Variants in PIK3C2G observed in about 807,000 individuals in gnomAD.
PIK3C2G encodes phosphatidylinositol 3-kinase C2 domain-containing subunit gamma.
Under a neutral mutation model 181.1 loss-of-function variants are expected in PIK3C2G, and 168 were observed. The observed-to-expected ratio is 0.93, with a 90% CI of 0.82 to 1.05. PIK3C2G has a LOEUF of 1.05. PIK3C2G is among the 50% of genes least tolerant of loss of function. The pLI is 0.00. For synonymous variants in PIK3C2G, 573 were observed against 592.2 expected (o/e 0.97, Z 0.47); for missense variants, 1,869 against 1,732.8 (o/e 1.08, Z -1.40).
intron 2 of PIK3C2G, among the ~76,000 whole-genome samples, chr12:18,285,699 TA>T (rs909440122): frequency 4.0e-5 from 6 of 149,626 alleles, no homozygotes; most frequent in African/African-American, 9.8e-5. Context: ...CCATGAATTA[TA>T]AAAAAAAGAA....
intron 13 of PIK3C2G, among the ~76,000 whole-genome samples, chr12:18,375,163 A>G (rs1021974206): frequency 6.6e-6 from 1 of 152,194 alleles, no homozygotes; most frequent in Non-Finnish European, 1.5e-5. Flanking sequence ...AGACATGAAA[A>G]TGAGAGAAAG....
chr12:18,546,340 G>A lies in PIK3C2G; in HGVS notation c.3498G>A (p.Leu1166=). The A allele has an allele frequency of 6.3e-7, 1 of 1,591,478 alleles. No homozygotes were observed. The highest frequency in any genetic ancestry group is 8.6e-7 in the Non-Finnish European group (1 of 1,165,266). Residue 1166 remains leucine (L), a synonymous_variant, in exon 26 of 33, where the codon CTG becomes CTA. Coordinates refer to ENST00000538779, the MANE Select transcript of PIK3C2G (RefSeq NM_001288772.2). ...TGGTTAAGATGCTGTATGCAGGACTGCCTGAGCTAAGTGGAATTCAAGACC... is the reference window on the plus strand; with the variant it reads ...TGGTTAAGATGCTGTATGCAGGACTACCTGAGCTAAGTGGAATTCAAGACC... ...NLLEMMLYAG[L]PELSGIQDLK... is the part of the protein sequence containing the mutation.
At chr12:18,605,029 A>G (rs1239675839) in intron 30 of PIK3C2G, among the ~76,000 whole-genome samples, 2 of 152,220 alleles carry the variant, frequency 1.3e-5, no homozygotes, top group Non-Finnish European at 2.9e-5. Context: ...AAGACAGGAA[A>G]TAACCAAGAT....
intron 1 of PIK3C2G, among the ~76,000 whole-genome samples, chr12:18,265,850 C>T (rs1948463451): frequency 1.3e-5 from 2 of 151,552 alleles, no homozygotes; most frequent in African/African-American, 4.9e-5. Context: ...CTCATCTCTA[C>T]TAAAAATATA....
Position 18,293,853 on chromosome 12 carries a change from G to T in PIK3C2G, c.920-48G>T, listed in dbSNP as rs1388796966. 6 of 890,704 alleles carry T rather than the reference G, an allele frequency of 6.7e-6. No individual in the cohort carries two copies. In the African/African-American group the frequency reaches 9.9e-5, roughly 15 times the overall value. The allele number at this position is 890,704 out of a possible 1,614,324, so 55.2% of individuals were successfully genotyped here. A position where few individuals can be genotyped will look rare whatever the true frequency, so the allele number is the denominator to read the frequency against. On this transcript the variant is annotated intron_variant, in intron 4 of 32. Coordinates refer to ENST00000538779, the MANE Select transcript of PIK3C2G (RefSeq NM_001288772.2). ...TGTGCTCAAAAACTTTTCCTAGTCA[G>T]TATATGATACACTTTTATTGACTTT...
At chr12:18,559,778 A>T (rs369123125) in intron 26 of PIK3C2G, among the ~76,000 whole-genome samples, 396 of 35,046 alleles carry the variant, frequency 0.011, 1 homozygote, top group Non-Finnish European at 0.015. Context: ...GTATGAAATT[A>T]TATATATATA....
chr12:18,268,024 G>C (rs77183269), intron 1 of PIK3C2G, among the ~76,000 whole-genome samples: 1 of 152,146 alleles, frequency 6.6e-6, no homozygotes, highest in African/African-American at 2.4e-5. Flanking sequence ...TTTTTAGGGC[G>C]GTGGAGGGAA....
chr12:18,360,684 T>C (rs1203370205), intron 11 of PIK3C2G, among the ~76,000 whole-genome samples: 1 of 152,210 alleles, frequency 6.6e-6, no homozygotes, highest in East Asian at 1.9e-4. Flanking sequence ...TTGAATATAT[T>C]ATTTCTCTCC....
At chr12:18,683,995 A>C in the PIK3C2G span, 64 of 1,085,170 alleles carry the variant, frequency 5.9e-5, no homozygotes, top group Non-Finnish European at 8.1e-5. Flanking sequence ...ACAGAGAAAA[A>C]ATATGTGTCA....
chr12:18,339,191 C>G (rs142406272), intron 9 of PIK3C2G, among the ~76,000 whole-genome samples: 1 of 151,850 alleles, frequency 6.6e-6, no homozygotes, highest in Non-Finnish European at 1.5e-5. Context: ...AAAAATATTA[C>G]GACATCTGGT....
chr12:18,290,173 G>A (rs1949628974), intron 3 of PIK3C2G, among the ~76,000 whole-genome samples: 1 of 151,976 alleles, frequency 6.6e-6, no homozygotes, highest in Non-Finnish European at 1.5e-5. Context: ...CAAAAAAATT[G>A]GTCAAATAAC....
rs143686648 is a variant in PIK3C2G at position 18,547,644 on chromosome 12, A to AAAAAC, written c.3590+1232_3590+1236dup. On this transcript the variant is annotated intron_variant, in intron 26 of 32. Coordinates refer to ENST00000538779, the MANE Select transcript of PIK3C2G (RefSeq NM_001288772.2). ...ATGGAACTCCAGGAAGAGTTGTTGC[A>AAAAAC]AAAACAAAACAAAACAAAACAAAAA... is the stretch of plus-strand genomic sequence containing the variant. Among the ~76,000 whole-genome samples the AAAAAC allele has an allele frequency of 1.1e-3, 168 of 151,084 alleles. 5 individuals carry two copies. The South Asian group carries it at 0.025, about 22-fold the overall frequency.
intron 16 of PIK3C2G, among the ~76,000 whole-genome samples, chr12:18,407,572 C>G (rs1944609340): frequency 6.6e-6 from 1 of 152,114 alleles, no homozygotes; most frequent in South Asian, 2.1e-4. Flanking sequence ...GTCTTGCAAT[C>G]TTCTGGAGGT....
chr12:18,281,923 T>G, intron 1 of PIK3C2G, 81 bp from the exon 2 acceptor site: 1 of 580,122 alleles, frequency 1.7e-6, no homozygotes, highest in Non-Finnish European at 3.1e-6. Context: ...CAGTTAGTTA[T>G]AGTTATTTAT....
At chr12:18,501,631 G>T (rs1565454922) in intron 22 of PIK3C2G, among the ~76,000 whole-genome samples, 1 of 152,200 alleles carries the variant, frequency 6.6e-6, no homozygotes, top group Non-Finnish European at 1.5e-5. Flanking sequence ...AATTTAAATA[G>T]TGTATGATAT....
In PIK3C2G at chr12:18,286,882, T is replaced by A; in HGVS notation, c.714T>A (p.Pro238=). The A allele has an allele frequency of 6.3e-7, 1 of 1,575,358 alleles. No individual in the cohort carries two copies. The part of the protein sequence containing the change: ...IGCSIQLVEV[P]QSSNTSLASF... Reference sequence around the variant, plus strand: ...GTTCCATTCAGCTAGTGGAAGTACCTCAAAGCAGCAATACGAGTCTGGCCT... The same window carrying A: ...GTTCCATTCAGCTAGTGGAAGTACCACAAAGCAGCAATACGAGTCTGGCCT... The change falls in exon 3 of 33, where the codon CCT becomes CCA. Residue 238 remains proline, a synonymous_variant. Coordinates refer to ENST00000538779, the MANE Select transcript of PIK3C2G (RefSeq NM_001288772.2).
At chr12:18,606,146 T>C (rs981046372) in intron 30 of PIK3C2G, among the ~76,000 whole-genome samples, 9 of 152,144 alleles carry the variant, frequency 5.9e-5, no homozygotes, top group African/African-American at 1.7e-4. Flanking sequence ...ATGGACACTT[T>C]AGTTACTAAT....
intron 8 of PIK3C2G, among the ~76,000 whole-genome samples, chr12:18,337,037 ACT>A (rs1356638087): frequency 6.6e-6 from 1 of 151,942 alleles, no homozygotes; most frequent in Non-Finnish European, 1.5e-5. Context: ...AAAAGGAAAA[ACT>A]CTGTTCCATC....
chr12:18,336,005 G>T (rs974240110), intron 8 of PIK3C2G, among the ~76,000 whole-genome samples: 9 of 151,134 alleles, frequency 6.0e-5, no homozygotes, highest in African/African-American at 2.2e-4. Context: ...TAGAACAGAT[G>T]AATGAAAAAA....
Sources: allele counts gnomAD v4.1 joint callset (sites outside exome capture counted in the v4.1 genomes callset), GRCh38; gene constraint gnomAD v4.1.1; transcripts MANE v1.5; gene names NCBI Gene and HGNC (gene_info 2026-07-23, HGNC 2026-07-21).